Variants in GNB4 observed in about 807,000 individuals in gnomAD.
The protein encoded by GNB4 is guanine nucleotide-binding protein subunit beta-4.
Under a neutral mutation model 45.2 loss-of-function variants are expected in GNB4, and 28 were observed. That is an observed-to-expected ratio of 0.62 (90% confidence interval 0.46 to 0.85). The LOEUF (loss-of-function observed/expected upper bound fraction) is 0.85. GNB4 is among the 40% of genes least tolerant of loss of function. GNB4 has a pLI of 0.00. For missense variants in GNB4, 321 were observed against 425.4 expected (o/e 0.75, Z 2.16); for synonymous variants, 132 against 143.7 (o/e 0.92, Z 0.58).
chr3:179,467,488 T>C, the GNB4 span, among the ~76,000 whole-genome samples: 1 of 152,142 alleles, frequency 6.6e-6, no homozygotes, highest in African/African-American at 2.4e-5. Context: ...TACACTAGAC[T>C]CTGGGGATTA....
chr3:179,482,171 C>A, the GNB4 span, among the ~76,000 whole-genome samples: 2 of 152,192 alleles, frequency 1.3e-5, no homozygotes, highest in Non-Finnish European at 2.9e-5. Flanking sequence ...CTTGGCATTA[C>A]AGGCGTGAAC....
At chr3:179,465,067 GA>G in the GNB4 span, 1 of 1,481,154 alleles carries the variant, frequency 6.8e-7, no homozygotes, top group Non-Finnish European at 9.4e-7. Context: ...AGCAGTTGAA[GA>G]AACATACAAT....
At chr3:179,417,227 A>C (rs1714826119) in intron 4 of GNB4, among the ~76,000 whole-genome samples, 1 of 152,190 alleles carries the variant, frequency 6.6e-6, no homozygotes, top group Non-Finnish European at 1.5e-5. Context: ...GATCAATGAC[A>C]GGTAGAAAAA....
At chr3:179,517,776 T>A in the GNB4 span, among the ~76,000 whole-genome samples, 53 of 152,302 alleles carry the variant, frequency 3.5e-4, no homozygotes, top group East Asian at 6.0e-3. Context: ...GGAGACACGT[T>A]TTATCCGTGA....
At chr3:179,456,356 T>C (rs1715978345), upstream of GNB4, among the ~76,000 whole-genome samples, 1 of 152,148 alleles carries the variant, frequency 6.6e-6, no homozygotes, top group South Asian at 2.1e-4. Context: ...TCATTGCAGC[T>C]AACTTCAGAA....
the GNB4 span, among the ~76,000 whole-genome samples, chr3:179,485,304 G>A: frequency 6.6e-6 from 1 of 151,940 alleles, no homozygotes. Context: ...GAGCCACTGC[G>A]CCCGGCCCAT....
At chr3:179,482,208 A>G in the GNB4 span, among the ~76,000 whole-genome samples, 1 of 152,174 alleles carries the variant, frequency 6.6e-6, no homozygotes, top group African/African-American at 2.4e-5. Context: ...CTTCTTTTAA[A>G]AATCAAGTTT....
the GNB4 span, among the ~76,000 whole-genome samples, chr3:179,485,990 C>T: frequency 7.3e-5 from 11 of 151,512 alleles, no homozygotes; most frequent in African/African-American, 2.4e-4. Flanking sequence ...TTTGGGAGGC[C>T]GAGGCAGGTG....
Position 179,419,515 on chromosome 3 carries a change from G to A in GNB4, c.97-10C>T. 6.7e-7 allele frequency: 1 copy of A among 1,494,000 alleles called. No homozygotes were observed. Among genetic ancestry groups the A allele is most frequent in the Non-Finnish European group, 9.3e-7 (1 of 1,071,148 alleles). 92.5% of individuals were successfully genotyped at this position (1,494,000 alleles called of 1,614,324 possible). ...CCATATTTGATGTAATCTTTTGAAA[G>A]CAACAAAAATGTTATTCTTTACCTT... On this transcript the variant is annotated splice_polypyrimidine_tract_variant and intron_variant, in intron 3 of 9. Coordinates refer to ENST00000232564, the MANE Select transcript of GNB4 (RefSeq NM_021629.4).
the GNB4 span, among the ~76,000 whole-genome samples, chr3:179,504,015 C>A: frequency 6.6e-6 from 1 of 152,104 alleles, no homozygotes; most frequent in African/African-American, 2.4e-5. Flanking sequence ...TCCAAGCAGA[C>A]TTTTTCCCCA....
the GNB4 span, among the ~76,000 whole-genome samples, chr3:179,527,786 A>ATGTGTGTGTGTGTGTG: frequency 3.2e-5 from 4 of 124,930 alleles, no homozygotes; most frequent in South Asian, 3.2e-4. Flanking sequence ...GCGTGTGTGT[A>ATGTGTGTGTGTGTGTG]TGTATGTGTG....
the GNB4 span, among the ~76,000 whole-genome samples, chr3:179,488,984 CAAAAAAAAAAAAAAAAAAAAAAAA>C: frequency 1.1e-4 from 2 of 18,690 alleles, no homozygotes; most frequent in East Asian, 4.1e-3. Flanking sequence ...ATCCTGTATC[CAAAAAAAAAAAAAAAAAAAAAAAA>C]AAAAAAAAAA....
chr3:179,438,071 C>A (rs113570726), intron 1 of GNB4, among the ~76,000 whole-genome samples: 2 of 149,710 alleles, frequency 1.3e-5, no homozygotes, highest in Admixed American at 6.6e-5. Flanking sequence ...GACCTCATCT[C>A]AAAAAAAAAG....
intron 4 of GNB4, among the ~76,000 whole-genome samples, chr3:179,417,436 C>T (rs1188301344): frequency 6.7e-6 from 1 of 148,762 alleles, no homozygotes; most frequent in Non-Finnish European, 1.5e-5. Flanking sequence ...GAGACAGACA[C>T]TCACTGTGAC....
At chr3:179,502,847 T>C in the GNB4 span, among the ~76,000 whole-genome samples, 1 of 152,214 alleles carries the variant, frequency 6.6e-6, no homozygotes, top group Non-Finnish European at 1.5e-5. Context: ...CATTTTTAAT[T>C]TACTTTTTTA....
At chr3:179,431,905 C>G (rs1005292093) in intron 1 of GNB4, among the ~76,000 whole-genome samples, 1 of 152,180 alleles carries the variant, frequency 6.6e-6, no homozygotes, top group African/African-American at 2.4e-5. Context: ...CTGTGGAGAA[C>G]CTTTCAGTTT....
intron 1 of GNB4, among the ~76,000 whole-genome samples, chr3:179,428,659 A>C (rs556727609): frequency 1.3e-5 from 2 of 152,248 alleles, no homozygotes; most frequent in African/African-American, 4.8e-5. Flanking sequence ...ACTTTTTAAA[A>C]ATTTGCAGTT....
the GNB4 span, among the ~76,000 whole-genome samples, chr3:179,518,275 G>A: frequency 6.6e-6 from 1 of 152,072 alleles, no homozygotes; most frequent in Admixed American, 6.6e-5. Flanking sequence ...ATTTTTCCAT[G>A]CTACAAGATC....
In GNB4 at chr3:179,400,272, G is replaced by A. The variant is rs902148950; in HGVS notation, c.*941C>T. On this transcript the variant is annotated 3_prime_UTR_variant, in exon 10 of 10. Transcript: ENST00000232564. ...TTAGATTTCACACTTCTCTCCAAAT[G>A]TAACACTGTCACATTGCATTTCCTC... The A allele has an allele frequency of 6.6e-6, 1 of 152,200 alleles. No individual in the cohort carries two copies. The highest frequency in any genetic ancestry group is 6.5e-5 in the Admixed American group (1 of 15,276). 9.4% of individuals were successfully genotyped at this position (152,200 alleles called of 1,614,324 possible). A position where few individuals can be genotyped will look rare whatever the true frequency, so the allele number is the denominator to read the frequency against.
Sources: allele counts gnomAD v4.1 joint callset (sites outside exome capture counted in the v4.1 genomes callset), GRCh38; gene constraint gnomAD v4.1.1; transcripts MANE v1.5; gene names NCBI Gene and HGNC (gene_info 2026-07-23, HGNC 2026-07-21).